The following SLC24A3 variants were observed in gnomAD, a reference collection of about 807,000 sequenced individuals.
SLC24A3 encodes sodium/potassium/calcium exchanger 3.
In SLC24A3, 28 loss-of-function variants were observed where a neutral mutation model predicts 75.8. That is an observed-to-expected ratio of 0.37 (90% CI 0.27 to 0.51). The LOEUF is 0.51. Among genes scored for constraint, SLC24A3 ranks in the 20% least tolerant of loss-of-function variants. The pLI, the probability that SLC24A3 is intolerant of heterozygous loss-of-function variation, is 0.94. For synonymous variants in SLC24A3, 372 were observed against 334.1 expected (o/e 1.11, Z -1.24); for missense variants, 663 against 847.8 (o/e 0.78, Z 2.71).
chr20:19,224,635 A>T (rs1039883460), intron 1 of SLC24A3, among the ~76,000 whole-genome samples: 3 of 152,320 alleles, frequency 2.0e-5, no homozygotes, highest in African/African-American at 7.2e-5. Context: ...CAAGCAGCTT[A>T]GCCATGGCCC....
chr20:19,529,617 C>T lies in SLC24A3; in HGVS notation c.348+14053C>T, dbSNP rs74823230. Among the ~76,000 whole-genome samples, 608 of 152,304 alleles carry T rather than the reference C, an allele frequency of 4.0e-3. 4 individuals are homozygous for T. The highest frequency in any genetic ancestry group is 0.014 in the African/African-American group (578 of 41,568). On this transcript the variant is annotated intron_variant, in intron 3 of 16. Coordinates refer to ENST00000328041, the MANE Select transcript of SLC24A3 (RefSeq NM_020689.4). ...AACATACATGAGGATCAAGACTGCACGATCTGGCCCTGACTACCTCTCCCA... is the reference window on the plus strand; with the variant it reads ...AACATACATGAGGATCAAGACTGCATGATCTGGCCCTGACTACCTCTCCCA...
At chr20:19,433,149 T>A (rs542348793) in intron 2 of SLC24A3, among the ~76,000 whole-genome samples, 18 of 152,346 alleles carry the variant, frequency 1.2e-4, no homozygotes, top group Non-Finnish European at 2.1e-4. Flanking sequence ...TTCTCCGCAA[T>A]GTATCATCCA....
At chr20:19,639,532 G>C (rs1005243472) in intron 6 of SLC24A3, among the ~76,000 whole-genome samples, 3 of 152,214 alleles carry the variant, frequency 2.0e-5, no homozygotes, top group African/African-American at 7.2e-5. Context: ...GGTTCTCCAC[G>C]TCCCCACCAG....
At chr20:19,360,959 T>C (rs1250681854) in intron 2 of SLC24A3, among the ~76,000 whole-genome samples, 2 of 152,150 alleles carry the variant, frequency 1.3e-5, no homozygotes, top group Non-Finnish European at 2.9e-5. Flanking sequence ...CCCGAGTAGC[T>C]GGGACTACAG....
intron 2 of SLC24A3, among the ~76,000 whole-genome samples, chr20:19,337,549 G>A (rs899949589): frequency 6.6e-6 from 1 of 152,142 alleles, no homozygotes; most frequent in African/African-American, 2.4e-5. Context: ...TAAGATGATG[G>A]ACTTGTTATG....
chr20:19,693,180 G>T (rs570700098), intron 12 of SLC24A3, 79 bp from the exon 13 acceptor site: 17 of 1,444,604 alleles, frequency 1.2e-5, no homozygotes, highest in Non-Finnish European at 1.5e-5. Context: ...CAGACACTTG[G>T]CAGAGCAAAG....
intron 3 of SLC24A3, among the ~76,000 whole-genome samples, chr20:19,563,089 C>T (rs1436452384): frequency 1.3e-5 from 2 of 152,124 alleles, no homozygotes; most frequent in African/African-American, 2.4e-5. Context: ...TGGATCTCCA[C>T]GTGACAGAAG....
intron 2 of SLC24A3, among the ~76,000 whole-genome samples, chr20:19,396,189 C>T (rs1334881429): frequency 2.0e-5 from 3 of 152,150 alleles, no homozygotes; most frequent in East Asian, 3.9e-4. Context: ...TTGATGTGCT[C>T]TTGCTGTTGC....
At chr20:19,409,290 C>G (rs116756811) in intron 2 of SLC24A3, among the ~76,000 whole-genome samples, 1 of 151,824 alleles carries the variant, frequency 6.6e-6, no homozygotes, top group Non-Finnish European at 1.5e-5. Context: ...TGTGCATGGG[C>G]GAGGGGAGGT....
At chr20:19,320,833 A>G (rs751130264) in intron 2 of SLC24A3, among the ~76,000 whole-genome samples, 1 of 152,098 alleles carries the variant, frequency 6.6e-6, no homozygotes, top group Non-Finnish European at 1.5e-5. Flanking sequence ...CAGTCTGTAC[A>G]TGTTCAGTAC....
chr20:19,362,769 G>C (rs1181670112), intron 2 of SLC24A3, among the ~76,000 whole-genome samples: 2 of 152,056 alleles, frequency 1.3e-5, no homozygotes, highest in Non-Finnish European at 2.9e-5. Context: ...GAGTCTGATG[G>C]GACAGTCACA....
At chr20:19,243,082 A>T (rs1982378825) in intron 1 of SLC24A3, among the ~76,000 whole-genome samples, 1 of 152,132 alleles carries the variant, frequency 6.6e-6, no homozygotes, top group Admixed American at 6.5e-5. Flanking sequence ...GAGATGTTTT[A>T]TGTCTGTTTT....
chr20:19,519,696 A>G (rs1435099420), intron 3 of SLC24A3, among the ~76,000 whole-genome samples: 1 of 152,218 alleles, frequency 6.6e-6, no homozygotes, highest in Non-Finnish European at 1.5e-5. Context: ...TTTGCACCCT[A>G]TAGATTCATT....
At chr20:19,593,517 T>G (rs2031408809) in intron 6 of SLC24A3, among the ~76,000 whole-genome samples, 1 of 152,210 alleles carries the variant, frequency 6.6e-6, no homozygotes, top group South Asian at 2.1e-4. Context: ...ATATGTGAAC[T>G]CATTTTGATC....
intron 2 of SLC24A3, among the ~76,000 whole-genome samples, chr20:19,409,845 G>GTATA (rs201306570): frequency 1.7e-4 from 25 of 145,764 alleles, no homozygotes; most frequent in South Asian, 6.4e-4. Context: ...GTGTGTGTGT[G>GTATA]TGTATATATA....
At chr20:19,289,850 A>T (rs1485025381) in intron 2 of SLC24A3, among the ~76,000 whole-genome samples, 1 of 152,168 alleles carries the variant, frequency 6.6e-6, no homozygotes, top group Admixed American at 6.5e-5. Flanking sequence ...TTTGCAGATG[A>T]AGCTTCAGGT....
chr20:19,535,339 G>A (rs2030376721), intron 3 of SLC24A3, among the ~76,000 whole-genome samples: 1 of 152,198 alleles, frequency 6.6e-6, no homozygotes, highest in African/African-American at 2.4e-5. Context: ...GTAGTCAGCT[G>A]TCAGCAGTTA....
At chr20:19,540,778 G>A (rs2876536) in intron 3 of SLC24A3, among the ~76,000 whole-genome samples, 89,906 of 152,122 alleles carry the variant, frequency 0.59, 27,024 homozygotes, top group Non-Finnish European at 0.66. Flanking sequence ...GGGAAGTCGA[G>A]AGGAAAAAAC....
chr20:19,656,348 T>C (rs1038707531), intron 7 of SLC24A3, among the ~76,000 whole-genome samples: 113 of 151,434 alleles, frequency 7.5e-4, no homozygotes, highest in Non-Finnish European at 4.4e-4. Context: ...CCCTTTATCA[T>C]TGGGAGGGTT....
Sources: allele counts gnomAD v4.1 joint callset (sites outside exome capture counted in the v4.1 genomes callset), GRCh38; gene constraint gnomAD v4.1.1; transcripts MANE v1.5; gene names NCBI Gene and HGNC (gene_info 2026-07-23, HGNC 2026-07-21).